Variants in ANK1 observed in about 807,000 individuals in gnomAD.
The protein encoded by ANK1 is ankyrin-1.
A neutral mutation model predicts 210.4 loss-of-function variants in ANK1; 51 were observed. The observed-to-expected ratio is 0.24, with a 90% confidence interval of 0.19 to 0.31. The LOEUF is 0.31. Among genes scored for constraint, ANK1 ranks in the 10% least tolerant of loss-of-function variants. The pLI, the probability that ANK1 is intolerant of heterozygous loss-of-function variation, is 1.00. For missense variants in ANK1, 2,051 were observed against 2,504.4 expected (o/e 0.82, Z 3.86); for synonymous variants, 967 against 1,025.9 (o/e 0.94, Z 1.10).
At chr8:41,730,451 CTT>C (rs551939515) in intron 3 of ANK1, among the ~76,000 whole-genome samples, 29 of 142,022 alleles carry the variant, frequency 2.0e-4, no homozygotes, top group Admixed American at 4.2e-4. Context: ...TCTTTTCTTT[CTT>C]TTTTTTTTTT....
rs1358603045 is a variant in ANK1, at chr8:41,694,250, C to CA, written c.3328-149_3328-148insT. 1.2e-6 allele frequency: 1 copy of CA among 859,324 alleles called. No homozygotes were observed. Among genetic ancestry groups the CA allele is most frequent in the African/African-American group, 1.7e-5 (1 of 58,926 alleles). 53.2% of individuals were successfully genotyped at this position (859,324 alleles called of 1,614,324 possible). On this transcript the variant is annotated intron_variant, in intron 28 of 42. Coordinates refer to ENST00000289734, the MANE Select transcript of ANK1 (RefSeq NM_000037.4). This position sits in a 1 kb window ranked among gnomAD's most constrained non-coding sequence, Gnocchi z 5.7. ...CACAGAACCGACACGGTGGAGCTTG[C>CA]CTTCCTGAGCCCTTTCTCCCCTTCT...
chr8:41,803,064 G>GAGAGA (rs1850299956), intron 1 of ANK1, among the ~76,000 whole-genome samples: 1 of 65,288 alleles, frequency 1.5e-5, no homozygotes, highest in East Asian at 2.6e-4. Context: ...AGAGAGAAAG[G>GAGAGA]AAGGAAGGAA....
intron 37 of ANK1, among the ~76,000 whole-genome samples, chr8:41,681,680 G>T (rs1816079515): frequency 6.7e-6 from 1 of 148,846 alleles, no homozygotes; most frequent in Non-Finnish European, 1.5e-5. Context: ...CACCAGGTCA[G>T]GCCATCACGA....
intron 1 of ANK1, among the ~76,000 whole-genome samples, chr8:41,822,145 AG>A (rs1376738210): frequency 1.2e-4 from 4 of 32,960 alleles, no homozygotes; most frequent in African/African-American, 3.2e-4. Flanking sequence ...AAAGAAAGAA[AG>A]AAAGAAAGAA....
chr8:41,699,514 C>G lies in ANK1; in HGVS notation c.2496G>C (p.Arg832=), dbSNP rs764520113. Reference sequence around the variant, plus strand: ...TCTCTTCATCAACATCCCTGGAATCCCGCCTCTCAGCCTTGAAGCTGATGA... The same window carrying G: ...TCTCTTCATCAACATCCCTGGAATCGCGCCTCTCAGCCTTGAAGCTGATGA... ...EELISFKAER[R]DSRDVDEEKE... Residue 832 remains arginine (R), a synonymous_variant, in exon 23 of 43, where the codon CGG becomes CGC. Coordinates refer to ENST00000289734, the MANE Select transcript of ANK1 (RefSeq NM_000037.4). 1 of 1,614,170 alleles carries G rather than the reference C, an allele frequency of 6.2e-7. No individual in the cohort carries two copies. Among genetic ancestry groups the G allele is most frequent in the Non-Finnish European group, 8.5e-7 (1 of 1,180,040 alleles).
intron 37 of ANK1, among the ~76,000 whole-genome samples, chr8:41,679,195 T>C (rs1382828769): frequency 6.6e-6 from 1 of 152,260 alleles, no homozygotes; most frequent in Non-Finnish European, 1.5e-5. Context: ...GTCTGATTAC[T>C]TTTAATTGGA....
intron 1 of ANK1, among the ~76,000 whole-genome samples, chr8:41,890,721 A>AG (rs1301990122): frequency 3.3e-5 from 5 of 151,494 alleles, no homozygotes; most frequent in African/African-American, 9.7e-5. Flanking sequence ...AAAAAAAAAA[A>AG]AAAAGAAAAA....
intron 20 of ANK1, 122 bp from the exon 21 acceptor site, chr8:41,702,266 G>C: frequency 1.4e-6 from 1 of 740,662 alleles, no homozygotes; most frequent in South Asian, 1.7e-5. Context: ...GTGGACAGAC[G>C]TCACCGTGGG....
intron 1 of ANK1, among the ~76,000 whole-genome samples, chr8:41,837,335 T>C (rs140193540): frequency 9.8e-5 from 15 of 152,314 alleles, no homozygotes; most frequent in Non-Finnish European, 1.9e-4. Context: ...CATTTCAGTC[T>C]ACTTTTCATA....
At chr8:41,669,071 G>A (rs1411480557) in intron 38 of ANK1, among the ~76,000 whole-genome samples, 11 of 151,262 alleles carry the variant, frequency 7.3e-5, no homozygotes, top group Non-Finnish European at 1.5e-4. Flanking sequence ...GTTGTTCCAT[G>A]TCCTCTGCTT....
At chr8:41,826,999 A>G (rs1805502373) in intron 1 of ANK1, among the ~76,000 whole-genome samples, 1 of 152,226 alleles carries the variant, frequency 6.6e-6, no homozygotes, top group Non-Finnish European at 1.5e-5. Context: ...CACAGATTGC[A>G]TAATTCACTG....
Position 41,867,209 on chromosome 8 carries a change from C to T in ANK1, c.126+29146G>A, listed in dbSNP as rs565905967. On this transcript the variant is annotated intron_variant, in intron 1 of 42. Transcript: ENST00000265709. The stretch of plus-strand genomic sequence containing the variant: ...ACAAGACCCCAAGAAGGATGAGTGT[C>T]AGTCCAGCACCCCAATCTCTGATGA... Among the ~76,000 whole-genome samples the T allele has an allele frequency of 6.6e-5, 10 of 152,316 alleles. No individual in the cohort carries two copies. The South Asian group carries it at 2.1e-3, about 32-fold the overall frequency.
rs1446075548 is a variant in ANK1 at position 41,655,136 on chromosome 8, GT to G, written c.*653del. On this transcript the variant is annotated 3_prime_UTR_variant, in exon 43 of 43. Transcript: ENST00000289734. ...GATTCAGTGGAGGCGAGTGGTGTGT[GT>G]GTGTGTGTGTGTGTGTCCTGAATGT... 6 of 143,362 alleles carry G rather than the reference GT, an allele frequency of 4.2e-5. No individual in the cohort carries two copies. The highest frequency in any genetic ancestry group is 7.7e-5 in the Non-Finnish European group (5 of 64,648). 8.9% of individuals were successfully genotyped at this position (143,362 alleles called of 1,614,324 possible).
At chr8:41,757,698 GAC>G (rs1839483492) in intron 2 of ANK1, among the ~76,000 whole-genome samples, 1 of 152,204 alleles carries the variant, frequency 6.6e-6, no homozygotes, top group Non-Finnish European at 1.5e-5. Context: ...CATCCCCACT[GAC>G]ACAGCATCTT....
chr8:41,872,094 G>A (rs1030297838), intron 1 of ANK1, among the ~76,000 whole-genome samples: 5 of 152,194 alleles, frequency 3.3e-5, no homozygotes, highest in East Asian at 1.9e-4. Context: ...AGAAACAGAC[G>A]AGCCAGCATT....
At chr8:41,678,354 C>T (rs966911087) in intron 37 of ANK1, among the ~76,000 whole-genome samples, 2 of 152,288 alleles carry the variant, frequency 1.3e-5, no homozygotes, top group East Asian at 3.9e-4. Flanking sequence ...GTTGGCCAGG[C>T]TGGTCTCGAA....
At chr8:41,747,618 C>T (rs1250367652) in intron 2 of ANK1, among the ~76,000 whole-genome samples, 1 of 152,230 alleles carries the variant, frequency 6.6e-6, no homozygotes, top group Non-Finnish European at 1.5e-5. Flanking sequence ...AATGCACCTT[C>T]ATGGAACCTG....
chr8:41,752,805 C>CCCCA (rs1554597046), intron 2 of ANK1, among the ~76,000 whole-genome samples: 2 of 151,516 alleles, frequency 1.3e-5, no homozygotes, highest in Non-Finnish European at 2.9e-5. Flanking sequence ...CAGGCCCCCC[C>CCCCA]CCACTGCACC....
chr8:41,773,388 C>T (rs572219962), intron 1 of ANK1, among the ~76,000 whole-genome samples: 11 of 152,196 alleles, frequency 7.2e-5, no homozygotes, highest in Middle Eastern at 3.4e-3. Flanking sequence ...ACATTAAACC[C>T]GAGATCCCTG....
Sources: gnomAD v4.1 joint callset for allele counts (sites outside exome capture counted in the v4.1 genomes callset) on GRCh38, gnomAD v4.1.1 for gene constraint, Gnocchi (gnomAD v3.1) non-coding constraint, MANE v1.5 for transcripts, NCBI Gene and HGNC (gene_info 2026-07-23, HGNC 2026-07-21) for gene names.